The following NAALADL2 variants were observed in gnomAD, a reference collection of about 807,000 sequenced individuals.
NAALADL2 encodes inactive N-acetylated-alpha-linked acidic dipeptidase-like protein 2.
Under a neutral mutation model 87.2 loss-of-function variants are expected in NAALADL2, and 76 were observed. The ratio of observed to expected loss-of-function variants is 0.87; its 90% CI spans 0.72 to 1.05. NAALADL2 has a LOEUF of 1.05. Ranked by LOEUF, NAALADL2 falls within the 50% of genes least tolerant of loss-of-function variation. The pLI is 0.00. For missense variants in NAALADL2, 1,089 were observed against 945.8 expected (o/e 1.15, Z -1.99); for synonymous variants, 354 against 331.0 (o/e 1.07, Z -0.75).
chr3:174,910,439 A>C (rs949146428), intron 1 of NAALADL2, among the ~76,000 whole-genome samples: 12 of 152,268 alleles, frequency 7.9e-5, no homozygotes, highest in Non-Finnish European at 1.8e-4. Flanking sequence ...GAGTTAGCTA[A>C]GGAAAAGAGA....
chr3:175,140,102 G>A (rs955609409), intron 2 of NAALADL2, among the ~76,000 whole-genome samples: 5 of 152,082 alleles, frequency 3.3e-5, no homozygotes, highest in Non-Finnish European at 5.9e-5. Flanking sequence ...AGCTCTGTCT[G>A]TCATCTGTAT....
chr3:174,527,440 A>G (rs1720867973), intron 1 of NAALADL2, among the ~76,000 whole-genome samples: 1 of 151,708 alleles, frequency 6.6e-6, no homozygotes, highest in African/African-American at 2.4e-5. Flanking sequence ...AATCATTTGA[A>G]TCTGGGAGGC....
chr3:174,925,969 G>A (rs570959889), intron 1 of NAALADL2, among the ~76,000 whole-genome samples: 1 of 152,224 alleles, frequency 6.6e-6, no homozygotes, highest in East Asian at 1.9e-4. Flanking sequence ...AAAAAGATTA[G>A]ACAAATGGCT....
intron 5 of NAALADL2, among the ~76,000 whole-genome samples, chr3:175,386,132 T>C (rs1768350467): frequency 6.6e-6 from 1 of 152,178 alleles, no homozygotes; most frequent in South Asian, 2.1e-4. Context: ...GACAATCTCT[T>C]AATATCATCA....
At chr3:175,545,255 C>A (rs1033555620) in intron 9 of NAALADL2, among the ~76,000 whole-genome samples, 1 of 152,212 alleles carries the variant, frequency 6.6e-6, no homozygotes, top group African/African-American at 2.4e-5. Flanking sequence ...GCCCAAACAG[C>A]CTTAGAGTAG....
At chr3:175,358,675 C>T (rs543131242) in intron 5 of NAALADL2, among the ~76,000 whole-genome samples, 4 of 152,326 alleles carry the variant, frequency 2.6e-5, no homozygotes, top group African/African-American at 9.6e-5. Context: ...TGTTATCTTA[C>T]TCTCATGTGC....
At chr3:175,374,553 G>GAACAAAA (rs1766884968) in intron 5 of NAALADL2, among the ~76,000 whole-genome samples, 1 of 45,394 alleles carries the variant, frequency 2.2e-5, no homozygotes, top group Non-Finnish European at 4.2e-5. Flanking sequence ...TGCATCTCCA[G>GAACAAAA]AAAAAAAAAA....
chr3:175,766,168 A>G (rs1748656213), intron 13 of NAALADL2, among the ~76,000 whole-genome samples: 1 of 152,172 alleles, frequency 6.6e-6, no homozygotes, highest in African/African-American at 2.4e-5. Context: ...GATAAGAGAT[A>G]TGCCTTATTG....
chr3:174,955,223 C>T lies in NAALADL2; in HGVS notation c.43+95773C>T, dbSNP rs375080651. Among the ~76,000 whole-genome samples the T allele has an allele frequency of 6.6e-5, 10 of 152,058 alleles. No individual in the cohort carries two copies. In the South Asian group the frequency reaches 1.0e-3, roughly 16 times the overall value. On this transcript the variant is annotated intron_variant, in intron 1 of 13. Coordinates refer to ENST00000454872, the MANE Select transcript of NAALADL2 (RefSeq NM_207015.3). ...GAAATACAACTACAAATATAATTCACGACGCATTTTCAAAGTTGGCAAGTG... is the reference window on the plus strand; with the variant it reads ...GAAATACAACTACAAATATAATTCATGACGCATTTTCAAAGTTGGCAAGTG...
intron 2 of NAALADL2, among the ~76,000 whole-genome samples, chr3:174,634,120 G>A (rs1275568207): frequency 6.6e-6 from 1 of 152,148 alleles, no homozygotes; most frequent in Non-Finnish European, 1.5e-5. Context: ...CAAGTTTGAA[G>A]CAAATATGTA....
chr3:174,526,140 C>T (rs780432139), intron 1 of NAALADL2, among the ~76,000 whole-genome samples: 1 of 152,128 alleles, frequency 6.6e-6, no homozygotes, highest in Non-Finnish European at 1.5e-5. Context: ...GGTGCTTCTC[C>T]CTCACTTACC....
intron 9 of NAALADL2, among the ~76,000 whole-genome samples, chr3:175,502,903 C>T (rs1307730832): frequency 6.8e-6 from 1 of 147,754 alleles, no homozygotes; most frequent in African/African-American, 2.6e-5. Flanking sequence ...AGAAGACAGG[C>T]TTTTTAATGA....
At chr3:174,846,017 A>G (rs1339812471) in intron 3 of NAALADL2, among the ~76,000 whole-genome samples, 4 of 152,194 alleles carry the variant, frequency 2.6e-5, no homozygotes, top group East Asian at 3.9e-4. Flanking sequence ...CTCTGGAGCA[A>G]TGTATCCACA....
chr3:175,588,789 T>C (rs557081189), intron 10 of NAALADL2, among the ~76,000 whole-genome samples: 54 of 152,140 alleles, frequency 3.5e-4, no homozygotes, highest in African/African-American at 9.1e-4. Flanking sequence ...CCGCCCGCCT[T>C]GGCCTCCCAA....
intron 1 of NAALADL2, among the ~76,000 whole-genome samples, chr3:175,092,752 A>G (rs1720376684): frequency 6.6e-6 from 1 of 151,904 alleles, no homozygotes; most frequent in African/African-American, 2.4e-5. Flanking sequence ...TTATTTTTAT[A>G]ATAGAGGGTT....
intron 11 of NAALADL2, among the ~76,000 whole-genome samples, chr3:175,629,167 A>G (rs956564405): frequency 1.3e-5 from 2 of 148,436 alleles, no homozygotes; most frequent in African/African-American, 4.9e-5. Flanking sequence ...ATATATACAT[A>G]TATACACACA....
At chr3:174,467,596 T>TAAAAAAAAAAAAAAAAAAAAAAAAA in intron 1 of NAALADL2, among the ~76,000 whole-genome samples, 1 of 59,602 alleles carries the variant, frequency 1.7e-5, no homozygotes, top group Non-Finnish European at 2.9e-5. Flanking sequence ...CCATCTCAGT[T>TAAAAAAAAAAAAAAAAAAAAAAAAA]AAAAAAAAAA....
chr3:175,439,740 C>CTTTTTTTTT, intron 5 of NAALADL2, among the ~76,000 whole-genome samples: 1 of 137,642 alleles, frequency 7.3e-6, no homozygotes, highest in Non-Finnish European at 1.5e-5. Flanking sequence ...TCTTTTTTTT[C>CTTTTTTTTT]TTTTTTTGAT....
chr3:175,337,855 T>C (rs1310402470), intron 5 of NAALADL2, among the ~76,000 whole-genome samples: 1 of 152,216 alleles, frequency 6.6e-6, no homozygotes, highest in Non-Finnish European at 1.5e-5. Context: ...GATGTTTCAC[T>C]AGTCTCTGTT....
Sources: gnomAD v4.1 joint callset for allele counts (sites outside exome capture counted in the v4.1 genomes callset) on GRCh38, gnomAD v4.1.1 for gene constraint, MANE v1.5 for transcripts, NCBI Gene and HGNC (gene_info 2026-07-23, HGNC 2026-07-21) for gene names.